PPL: variants seen among roughly 807,000 people sequenced by gnomAD.
The protein encoded by PPL is 190 kDa paraneoplastic pemphigus antigen.
A neutral mutation model predicts 194.4 loss-of-function variants in PPL; 198 were observed. That is an observed-to-expected ratio of 1.02 (90% CI 0.91 to 1.15). PPL has a LOEUF of 1.15. Among genes scored for constraint, PPL ranks in the 50% most tolerant of loss-of-function variants. The pLI is 0.00. For synonymous variants in PPL, 1,220 were observed against 972.4 expected, an observed-to-expected ratio of 1.25 and a Z score of -4.74; for missense variants, 2,885 against 2,294.8, an observed-to-expected ratio of 1.26 and a Z score of -5.25.
At chr16:4,891,191 T>C (rs74003544) in intron 16 of PPL, among the ~76,000 whole-genome samples, 348 of 152,322 alleles carry the variant, frequency 2.3e-3, no homozygotes, top group African/African-American at 7.7e-3. Flanking sequence ...TGCCACTGTC[T>C]GGTCATGAGG....
chr16:4,890,895 C>A lies in PPL; in HGVS notation c.1995G>T (p.Gln665His). The A allele has an allele frequency of 6.5e-7, 1 of 1,535,516 alleles. No individual in the cohort carries two copies. The highest frequency in any genetic ancestry group is 1.2e-5 in the South Asian group (1 of 83,724). Residue 665 changes from glutamine to histidine, a missense_variant, in exon 17 of 22, where the codon CAG becomes CAT. Gln to His is a conservative substitution (Grantham distance 24). Coordinates refer to ENST00000345988, the MANE Select transcript of PPL (RefSeq NM_002705.5). ...GCTCCACCTCACCCAGGAGGGACTT[C>A]TGGGCCTGTAACTCACAGGCCATGG... is the stretch of plus-strand genomic sequence containing the variant. Reference protein sequence around the residue: ...LAAMACELQAQKSLLGEVEQN... With the variant: ...LAAMACELQAHKSLLGEVEQN...
At position 4,885,557 on chromosome 16, in the gene PPL, AGGAGCACCTCTGCCTCCCGG is replaced by A; in HGVS notation, c.3078_3097del (p.Arg1027ProfsTer10). 2 of 1,610,634 alleles carry A rather than the reference AGGAGCACCTCTGCCTCCCGG, an allele frequency of 1.2e-6. No homozygotes were observed. Among genetic ancestry groups the A allele is most frequent in the Non-Finnish European group, 8.5e-7 (1 of 1,179,892 alleles). On this transcript the variant is annotated frameshift_variant, in exon 22 of 22. Coordinates refer to ENST00000345988, the MANE Select transcript of PPL (RefSeq NM_002705.5). LOFTEE classifies it high-confidence loss of function. This position sits in a 1 kb window ranked among gnomAD's most constrained non-coding sequence, Gnocchi z 6.3. ...CAGGGCGGCCACACGCTGCTGCAGG[AGGAGCACCTCTGCCTCCCGG>A]GCGCCCTTCTGCCGCCTCAGTGCCT...
chr16:4,901,440 G>T (rs553524613), intron 4 of PPL, among the ~76,000 whole-genome samples: 1 of 152,304 alleles, frequency 6.6e-6, no homozygotes, highest in East Asian at 1.9e-4. Flanking sequence ...TGTCATCCAG[G>T]CACTTTGGGA....
chr16:4,895,850 C>G (rs957570550), intron 9 of PPL, 134 bp from the exon 10 acceptor site: 11 of 1,269,244 alleles, frequency 8.7e-6, no homozygotes, highest in Middle Eastern at 2.0e-4. Flanking sequence ...GGACCCTGTG[C>G]TGAGCCTGAG....
intron 2 of PPL, among the ~76,000 whole-genome samples, chr16:4,909,668 C>G (rs528489596): frequency 1.3e-5 from 2 of 152,236 alleles, no homozygotes; most frequent in Admixed American, 6.5e-5. Flanking sequence ...CTCAAGTGAT[C>G]TACCCACCTC....
intron 2 of PPL, among the ~76,000 whole-genome samples, chr16:4,909,512 C>T (rs948049862): frequency 1.0e-4 from 15 of 150,698 alleles, no homozygotes; most frequent in Non-Finnish European, 1.8e-4. Context: ...CTGCAACCTC[C>T]GCCTCCCGGG....
intron 1 of PPL, among the ~76,000 whole-genome samples, chr16:4,921,518 G>C (rs2089049699): frequency 6.6e-6 from 1 of 152,172 alleles, no homozygotes; most frequent in East Asian, 1.9e-4. Flanking sequence ...CCAGGCTGGA[G>C]TGCAGTGGCA....
intron 2 of PPL, among the ~76,000 whole-genome samples, chr16:4,909,854 G>A (rs1045736967): frequency 6.6e-6 from 1 of 152,118 alleles, no homozygotes; most frequent in African/African-American, 2.4e-5. Flanking sequence ...AATAACACAT[G>A]GGCTTTCCTG....
intron 1 of PPL, among the ~76,000 whole-genome samples, chr16:4,929,404 C>T (rs2089199733): frequency 6.6e-6 from 1 of 152,108 alleles, no homozygotes; most frequent in South Asian, 2.1e-4. Context: ...GCAGGCTCTT[C>T]CCACGCTGTG....
In PPL at chr16:4,931,981, G is replaced by C. The variant is rs118022626; in HGVS notation, c.62+5003C>G. On this transcript the variant is annotated intron_variant, in intron 1 of 21. Transcript: ENST00000345988. The stretch of plus-strand genomic sequence containing the variant: ...AGAGAGAAGAGAGGTAGAGGGGGTT[G>C]CTGGGGGTAGAGGCAGTGAGCACAA... Among the ~76,000 whole-genome samples, 34 of 152,342 alleles carry C rather than the reference G, an allele frequency of 2.2e-4. No homozygotes were observed. In the East Asian group the frequency reaches 6.6e-3, roughly 29 times the overall value.
intron 2 of PPL, among the ~76,000 whole-genome samples, chr16:4,904,753 G>T (rs912805009): frequency 6.6e-6 from 1 of 152,142 alleles, no homozygotes; most frequent in Non-Finnish European, 1.5e-5. Context: ...AGCTCCATTT[G>T]TGCTTAAAGG....
At chr16:4,910,242 G>A (rs973445941) in intron 2 of PPL, among the ~76,000 whole-genome samples, 2 of 152,220 alleles carry the variant, frequency 1.3e-5, no homozygotes, top group Non-Finnish European at 2.9e-5. Context: ...TCCAAAAAAG[G>A]TGGAGAAAGA....
At chr16:4,932,963 G>A (rs192668040) in intron 1 of PPL, among the ~76,000 whole-genome samples, 1 of 151,514 alleles carries the variant, frequency 6.6e-6, no homozygotes, top group African/African-American at 2.4e-5. Context: ...GCTGCGGCCT[G>A]AACTCATGCC....
rs2088588673 is a variant in PPL, at chr16:4,902,243, C to A, written c.438+163G>T. Among the ~76,000 whole-genome samples, 2 of 152,212 alleles carry A rather than the reference C, an allele frequency of 1.3e-5. No homozygotes were observed. Among genetic ancestry groups the A allele is most frequent in the African/African-American group, 4.8e-5 (2 of 41,448 alleles). On this transcript the variant is annotated intron_variant, in intron 4 of 21. Transcript: ENST00000345988. This position sits in a 1 kb window ranked among gnomAD's most constrained non-coding sequence, Gnocchi z 4.0. ...GACCCTGACTTCGTGCTGCACTTCT[C>A]TGAGCCTCACTCTTCTCATGGGCAC...
chr16:4,903,901 T>G lies in PPL; in HGVS notation c.302A>C (p.Asp101Ala). 1 of 1,613,914 alleles carries G rather than the reference T, an allele frequency of 6.2e-7. No homozygotes were observed. Among genetic ancestry groups the G allele is most frequent in the Non-Finnish European group, 8.5e-7 (1 of 1,180,002 alleles). Residue 101 changes from aspartate (D) to alanine (A), a missense_variant, in exon 3 of 22, where the codon GAC becomes GCC. Asp to Ala is a moderately radical substitution (Grantham distance 126). Coordinates refer to ENST00000345988, the MANE Select transcript of PPL (RefSeq NM_002705.5). ...IAKHMKHPQG[D>A]MIAEDIRQLK... Reference sequence around the variant, plus strand: ...AGGGACCTACTCCTCGGCGATCATGTCCCCCTGTGGGTGCTTCATGTGCTT... The same window carrying G: ...AGGGACCTACTCCTCGGCGATCATGGCCCCCTGTGGGTGCTTCATGTGCTT...
At chr16:4,898,216 A>G (rs1282287950) in intron 8 of PPL, among the ~76,000 whole-genome samples, 1 of 152,136 alleles carries the variant, frequency 6.6e-6, no homozygotes, top group African/African-American at 2.4e-5. Flanking sequence ...TGTCTCTACT[A>G]AAAATACAAA....
intron 9 of PPL, among the ~76,000 whole-genome samples, chr16:4,896,855 G>A (rs1408231568): frequency 6.6e-6 from 1 of 151,618 alleles, no homozygotes; most frequent in Non-Finnish European, 1.5e-5. Context: ...GGCTGGTCTT[G>A]AACTCCTGAC....
intron 21 of PPL, among the ~76,000 whole-genome samples, chr16:4,886,447 A>G (rs766372034): frequency 5.9e-5 from 9 of 152,240 alleles, no homozygotes; most frequent in Non-Finnish European, 8.8e-5. Flanking sequence ...ATTCCAGCTC[A>G]GCACAGAGAG....
chr16:4,890,160 G>A (rs1263720549), intron 18 of PPL, 24 bp downstream of exon 18: 2 of 1,613,876 alleles, frequency 1.2e-6, no homozygotes, highest in Non-Finnish European at 1.7e-6. Flanking sequence ...TGTGTGCCTG[G>A]GGCTGCGGAA....
Sources: allele counts gnomAD v4.1 joint callset (sites outside exome capture counted in the v4.1 genomes callset), GRCh38; gene constraint gnomAD v4.1.1; non-coding constraint Gnocchi (gnomAD v3.1); transcripts MANE v1.5; gene names NCBI Gene and HGNC (gene_info 2026-07-23, HGNC 2026-07-21).